Variants in NEK4 observed in about 807,000 individuals in gnomAD.
The protein encoded by NEK4 is serine/threonine-protein kinase Nek4.
In NEK4, 86 loss-of-function variants were observed where a neutral mutation model predicts 98.4. That is an observed-to-expected ratio of 0.87 (90% CI 0.73 to 1.05). NEK4 has a LOEUF of 1.05. NEK4 is among the 50% of genes least tolerant of loss of function. NEK4 has a pLI of 0.00. For missense variants in NEK4, 898 were observed against 950.3 expected, an observed-to-expected ratio of 0.94 and a Z score of 0.72; for synonymous variants, 328 against 342.2, an observed-to-expected ratio of 0.96 and a Z score of 0.46.
At position 52,766,416 on chromosome 3, in the gene NEK4, T is replaced by A. The variant is rs770987828; in HGVS notation, c.361-41A>T. 3 of 1,397,610 alleles carry A rather than the reference T, an allele frequency of 2.1e-6. No individual in the cohort carries two copies. In the African/African-American group the frequency reaches 4.3e-5, roughly 20 times the overall value. 86.6% of individuals were successfully genotyped at this position (1,397,610 alleles called of 1,614,324 possible). A position where few individuals can be genotyped will look rare whatever the true frequency, so the allele number is the denominator to read the frequency against. On this transcript the variant is annotated intron_variant, in intron 2 of 15. Coordinates refer to ENST00000233027, the MANE Select transcript of NEK4 (RefSeq NM_003157.6). ...AGATTTTATTACATATAAATAGACT[T>A]AATTATGTATTTATTCCTGGCTTAT...
intron 15 of NEK4, among the ~76,000 whole-genome samples, chr3:52,718,491 A>AAT (rs2097357197): frequency 7.0e-6 from 1 of 142,096 alleles, no homozygotes; most frequent in South Asian, 2.2e-4. Flanking sequence ...AAAAAAAAAA[A>AAT]AGAAATACAA....
chr3:52,746,217 T>A lies in NEK4; in HGVS notation c.1678-7A>T, dbSNP rs2154104471. On this transcript the variant is annotated splice_polypyrimidine_tract_variant and splice_region_variant and intron_variant, in intron 9 of 15. Coordinates refer to ENST00000233027, the MANE Select transcript of NEK4 (RefSeq NM_003157.6). ...GAGGAGGCGACTCTTGGAACTTAAA[T>A]AATTAAAAAAGAAGATTATCAGTTT... The A allele has an allele frequency of 6.2e-7, 1 of 1,612,942 alleles. No homozygotes were observed. Among genetic ancestry groups the A allele is most frequent in the Non-Finnish European group, 8.5e-7 (1 of 1,179,360 alleles).
intron 5 of NEK4, 145 bp downstream of exon 5, chr3:52,763,325 T>C: frequency 1.4e-6 from 1 of 729,198 alleles, no homozygotes; most frequent in Admixed American, 2.7e-5. Context: ...GGGTAGAATT[T>C]TGCCTCCTCT....
chr3:52,746,764 T>C lies in NEK4; in HGVS notation c.1647A>G (p.Glu549=), dbSNP rs370942867. Reference sequence around the variant, plus strand: ...AGAGATCTCTGCGGACCTGTCTCTTTTCCCCTCTGTGCTCAGTCTGTTCTC... The same window carrying C: ...AGAGATCTCTGCGGACCTGTCTCTTCTCCCCTCTGTGCTCAGTCTGTTCTC... ...KRREQTEHRG[E]KRQVRRDLFA... is the part of the protein sequence containing the mutation. Residue 549 remains glutamate (E), a synonymous_variant, in exon 9 of 16, where the codon GAA becomes GAG. Transcript: ENST00000233027. 1.2e-6 allele frequency: 2 copies of C among 1,613,884 alleles called. No homozygotes were observed. Among genetic ancestry groups the C allele is most frequent in the African/African-American group, 2.7e-5 (2 of 74,926 alleles).
chr3:52,769,695 C>T (rs1264906486), intron 1 of NEK4, among the ~76,000 whole-genome samples: 1 of 152,236 alleles, frequency 6.6e-6, no homozygotes, highest in Non-Finnish European at 1.5e-5. Flanking sequence ...GGGAACATCT[C>T]TTCTCAGCTT....
At chr3:52,766,090 A>G in intron 3 of NEK4, 88 bp downstream of exon 3, 1 of 1,456,064 alleles carries the variant, frequency 6.9e-7, no homozygotes. Context: ...AAACCAATTC[A>G]TAGATAATTC....
In NEK4 at chr3:52,768,494, G is replaced by A. The variant is rs544277876; in HGVS notation, c.204C>T (p.Tyr68=). ...SQLKHPNIVT[Y]KESWEGGDGL... is the part of the protein sequence containing the mutation. ...CATCTCCTCCTTCCCATGACTCCTTGTAGGTGACAATGTTGGGATGCTTCA... is the reference window on the plus strand; with the variant it reads ...CATCTCCTCCTTCCCATGACTCCTTATAGGTGACAATGTTGGGATGCTTCA... The change falls in exon 2 of 16, where the codon TAC becomes TAT. Residue 68 remains tyrosine, a synonymous_variant. Transcript: ENST00000233027. 228 of 1,614,182 alleles carry A rather than the reference G, an allele frequency of 1.4e-4. 2 individuals carry two copies. The highest frequency in any genetic ancestry group is 1.1e-3 in the South Asian group (99 of 91,078).
Position 52,711,872 on chromosome 3 carries a change from ATTTG to A in NEK4, c.2434-7_2434-4del. On this transcript the variant is annotated splice_polypyrimidine_tract_variant and splice_region_variant and intron_variant, in intron 15 of 15. Transcript: ENST00000233027. ...CCCATGTGCTCCCGCAAACGTACCT[ATTTG>A]AGAAACAAAAAGAAAATCAATCAGT... 6.4e-7 allele frequency: 1 copy of A among 1,568,156 alleles called. No individual in the cohort carries two copies. Among genetic ancestry groups the A allele is most frequent in the Non-Finnish European group, 8.8e-7 (1 of 1,141,942 alleles).
In NEK4 at chr3:52,741,504, T is replaced by C. The variant is rs2097386179; in HGVS notation, c.2005-5A>G. 6.3e-7 allele frequency: 1 copy of C among 1,577,998 alleles called. No homozygotes were observed. Among genetic ancestry groups the C allele is most frequent in the South Asian group, 1.1e-5 (1 of 90,100 alleles). ...ACAATGAATCTGTTTCCTTTCCTATTAAATGTTTGGAAGAATTAAAATTCT... is the reference window on the plus strand; with the variant it reads ...ACAATGAATCTGTTTCCTTTCCTATCAAATGTTTGGAAGAATTAAAATTCT... On this transcript the variant is annotated splice_region_variant and splice_polypyrimidine_tract_variant and intron_variant, in intron 12 of 15. Coordinates refer to ENST00000233027, the MANE Select transcript of NEK4 (RefSeq NM_003157.6).
At chr3:52,720,007 G>A (rs2097358632) in intron 15 of NEK4, among the ~76,000 whole-genome samples, 1 of 152,180 alleles carries the variant, frequency 6.6e-6, no homozygotes, top group Non-Finnish European at 1.5e-5. Flanking sequence ...AAAAGTCCAG[G>A]CTTGGTGGCT....
Position 52,752,003 on chromosome 3 carries a change from C to G in NEK4, c.1297G>C (p.Val433Leu), listed in dbSNP as rs1438882076. 2 of 1,614,062 alleles carry G rather than the reference C, an allele frequency of 1.2e-6. No individual in the cohort carries two copies. The highest frequency in any genetic ancestry group is 1.7e-6 in the Non-Finnish European group (2 of 1,180,042). ...ACTGGTTCATTCTTTTCCCCAGTGA[C>G]AATGTCAGAGGACCACATGGGAATC... is the stretch of plus-strand genomic sequence containing the variant. Reference protein sequence around the residue: ...NLIPMWSSDIVTGEKNEPVKP... With the variant: ...NLIPMWSSDILTGEKNEPVKP... The change falls in exon 7 of 16, where the codon GTC becomes CTC. Residue 433 changes from valine to leucine, a missense_variant. By Grantham distance (32) the Val-to-Leu change is conservative. Transcript: ENST00000233027.
Position 52,710,786 on chromosome 3 carries a change from T to C in NEK4, c.*991A>G, listed in dbSNP as rs1376465154. The C allele has an allele frequency of 1.3e-5, 2 of 152,134 alleles. No individual in the cohort carries two copies. The highest frequency in any genetic ancestry group is 4.8e-5 in the African/African-American group (2 of 41,430). 9.4% of individuals were successfully genotyped at this position (152,134 alleles called of 1,614,324 possible). On this transcript the variant is annotated 3_prime_UTR_variant, in exon 16 of 16. Transcript: ENST00000233027. ...CAAAAAAAAAACACCTGAAAACATT[T>C]CTGGAGCAATATTTATTTTTAGAGT...
intron 6 of NEK4, among the ~76,000 whole-genome samples, chr3:52,758,871 G>A (rs926830842): frequency 2.0e-5 from 3 of 151,942 alleles, no homozygotes; most frequent in Admixed American, 6.6e-5. Flanking sequence ...GGAGGAAAAC[G>A]CAGAAGAACT....
At chr3:52,765,564 C>T (rs1698528586) in intron 4 of NEK4, among the ~76,000 whole-genome samples, 1 of 152,166 alleles carries the variant, frequency 6.6e-6, no homozygotes, top group African/African-American at 2.4e-5. Flanking sequence ...AAATGTAGCT[C>T]ATTGAATCAT....
rs771579155 is a variant in NEK4, at chr3:52,737,602, T to C, written c.2417A>G (p.Asp806Gly). 1.9e-6 allele frequency: 3 copies of C among 1,613,718 alleles called. No homozygotes were observed. The Admixed American group carries it at 5.0e-5, about 27-fold the overall frequency. The change falls in exon 15 of 16, where the codon GAT (aspartate) becomes GGT (glycine). Residue 806 changes from aspartate (D) to glycine (G), a missense_variant. Coordinates refer to ENST00000233027, the MANE Select transcript of NEK4 (RefSeq NM_003157.6). ...EQVYDLLEEE[D>G]EFDREVRLRE... is the part of the protein sequence containing the mutation. ...GACACTCACCTCTCTATCAAATTCA[T>C]CCTCCTCCTCCAAAAGATCATACAC...
At chr3:52,757,879 GA>G (rs1698183470) in intron 6 of NEK4, among the ~76,000 whole-genome samples, 1 of 152,066 alleles carries the variant, frequency 6.6e-6, no homozygotes, top group African/African-American at 2.4e-5. Context: ...CATGGAGACA[GA>G]AAGTAGAATG....
intron 15 of NEK4, among the ~76,000 whole-genome samples, chr3:52,719,049 G>A (rs768094200): frequency 1.1e-4 from 17 of 152,306 alleles, no homozygotes; most frequent in East Asian, 1.9e-4. Context: ...GAGCCATCGC[G>A]CCTGGCCTAC....
At chr3:52,715,388 G>A (rs1274558328) in intron 15 of NEK4, among the ~76,000 whole-genome samples, 1 of 152,118 alleles carries the variant, frequency 6.6e-6, no homozygotes, top group African/African-American at 2.4e-5. Context: ...CCTCTGAGCT[G>A]TTCTCTCTCT....
intron 12 of NEK4, 152 bp downstream of exon 12, chr3:52,743,200 T>C: frequency 1.5e-6 from 1 of 646,928 alleles, no homozygotes; most frequent in East Asian, 2.6e-5. Flanking sequence ...TTTTGACTAT[T>C]ATTTACCAGT....
Sources: gnomAD v4.1 joint callset for allele counts (sites outside exome capture counted in the v4.1 genomes callset) on GRCh38, gnomAD v4.1.1 for gene constraint, MANE v1.5 for transcripts, NCBI Gene and HGNC (gene_info 2026-07-23, HGNC 2026-07-21) for gene names.